Variants in LGR5 observed in about 807,000 individuals in gnomAD.
The protein encoded by LGR5 is leucine-rich repeat-containing G protein-coupled receptor 5.
In LGR5, 54 loss-of-function variants were observed where a neutral mutation model predicts 76.7. That is an observed-to-expected ratio of 0.70 (90% CI 0.57 to 0.88). The LOEUF (loss-of-function observed/expected upper bound fraction) is 0.88. Among genes scored for constraint, LGR5 ranks in the 40% least tolerant of loss-of-function variants. LGR5 has a pLI of 0.00. For missense variants in LGR5, 1,078 were observed against 1,073.3 expected (o/e 1.00, Z -0.06); for synonymous variants, 406 against 421.9 (o/e 0.96, Z 0.46).
chr12:71,535,121 G>A lies in LGR5; in HGVS notation c.363G>A (p.Leu121=). 1 of 1,608,436 alleles carries A rather than the reference G, an allele frequency of 6.2e-7. No individual in the cohort carries two copies. Among genetic ancestry groups the A allele is most frequent in the South Asian group, 1.1e-5 (1 of 90,882 alleles). ...TATTTCTTTTAACATACAGTATGCT[G>A]CAGAATAATCAGCTAAGACACGTAC... The part of the protein sequence containing the change: ...TGLYSLKVLM[L]QNNQLRHVPT... Residue 121 remains leucine, a synonymous_variant, in exon 4 of 18, where the codon CTG becomes CTA. Coordinates refer to ENST00000266674, the MANE Select transcript of LGR5 (RefSeq NM_003667.4).
chr12:71,472,535 A>G (rs967795249), intron 1 of LGR5, among the ~76,000 whole-genome samples: 1 of 152,226 alleles, frequency 6.6e-6, no homozygotes, highest in Non-Finnish European at 1.5e-5. Context: ...CCCAATAGAT[A>G]TAATAGGTTT....
At position 71,440,046 on chromosome 12, in the gene LGR5, C is replaced by T. The variant is rs769253623; in HGVS notation, c.-35C>T. On this transcript the variant is annotated 5_prime_UTR_variant, in exon 1 of 18. Coordinates refer to ENST00000266674, the MANE Select transcript of LGR5 (RefSeq NM_003667.4). The surrounding 1 kb of genome is among the most constrained non-coding windows in gnomAD (Gnocchi z 5.3). ...GTAGCAGTCCGGTGCTGCTCTCCGC[C>T]CGCGTCCGGCTCGTGGCCCCCTACT... 1.9e-6 allele frequency: 3 copies of T among 1,591,710 alleles called. No homozygotes were observed. The highest frequency in any genetic ancestry group is 1.7e-6 in the Non-Finnish European group (2 of 1,173,928).
At chr12:71,516,928 G>A (rs768783838) in intron 2 of LGR5, among the ~76,000 whole-genome samples, 7 of 149,620 alleles carry the variant, frequency 4.7e-5, no homozygotes, top group African/African-American at 9.8e-5. Flanking sequence ...TTTTTTAATC[G>A]AGTTACATCT....
intron 5 of LGR5, among the ~76,000 whole-genome samples, chr12:71,556,148 C>A (rs1331052172): frequency 2.0e-5 from 3 of 152,038 alleles, no homozygotes; most frequent in Non-Finnish European, 2.9e-5. Flanking sequence ...CAGAGGGGAA[C>A]AACACACGCT....
intron 14 of LGR5, 33 bp downstream of exon 14, chr12:71,578,029 T>C (rs748702937): frequency 6.8e-7 from 1 of 1,479,984 alleles, no homozygotes; most frequent in Non-Finnish European, 9.4e-7. Context: ...ATGGTATGTC[T>C]CTTAATAATT....
At position 71,547,029 on chromosome 12, in the gene LGR5, T is replaced by C. The variant is rs1877211693; in HGVS notation, c.429-6044T>C. 1.3e-5 allele frequency among the ~76,000 whole-genome samples: 2 copies of C among 152,120 alleles called. 1 individual carries two copies. The highest frequency in any genetic ancestry group is 1.3e-4 in the Admixed American group (2 of 15,274). ...TGAGCAGCAGCGCCTCTTGAGTAAT[T>C]GCGGAGTCTTCAACCTCAAGCCCTC... On this transcript the variant is annotated intron_variant, in intron 4 of 17. Transcript: ENST00000266674.
At chr12:71,545,117 CAAAATA>C (rs66620567) in intron 4 of LGR5, among the ~76,000 whole-genome samples, 129,634 of 150,400 alleles carry the variant, frequency 0.86, 56,319 homozygotes, top group East Asian at 0.97. Flanking sequence ...ACAAAAGTAA[CAAAATA>C]AAAATAAAAA....
At chr12:71,543,527 A>T (rs771272178) in intron 4 of LGR5, among the ~76,000 whole-genome samples, 74 of 152,300 alleles carry the variant, frequency 4.9e-4, no homozygotes, top group Non-Finnish European at 9.1e-4. Context: ...GGGACAGAGA[A>T]ATGAGGTAAA....
chr12:71,547,771 A>T (rs1349647455), intron 4 of LGR5, among the ~76,000 whole-genome samples: 1 of 151,904 alleles, frequency 6.6e-6, no homozygotes, highest in Non-Finnish European at 1.5e-5. Flanking sequence ...CACCCAGCTA[A>T]TTTTTTTGTA....
rs887495158 is a variant in LGR5 at position 71,585,774 on chromosome 12, C to T, written c.*1040C>T. The stretch of plus-strand genomic sequence containing the variant: ...TCAAGAGACTCAGTAACGTATTATC[C>T]TGTTTATTTAGCTTGGTTTTAGCTG... On this transcript the variant is annotated 3_prime_UTR_variant, in exon 18 of 18. Transcript: ENST00000266674. The T allele has an allele frequency of 6.6e-6, 1 of 152,150 alleles. No individual in the cohort carries two copies. Among genetic ancestry groups the T allele is most frequent in the Admixed American group, 6.6e-5 (1 of 15,264 alleles). 9.4% of individuals were successfully genotyped at this position (152,150 alleles called of 1,614,324 possible).
chr12:71,578,105 G>T (rs1053490702), intron 14 of LGR5, 109 bp downstream of exon 14: 159 of 787,216 alleles, frequency 2.0e-4, no homozygotes, highest in Admixed American at 4.6e-4. Context: ...CAGATTACCT[G>T]CCTCTGTGTT....
chr12:71,441,900 GA>G (rs1565845392), intron 1 of LGR5: 1 of 152,114 alleles, frequency 6.6e-6, no homozygotes, highest in Non-Finnish European at 1.5e-5. Flanking sequence ...CTACAAAGCA[GA>G]ATACTCATCC....
intron 2 of LGR5, 109 bp from the exon 3 acceptor site, chr12:71,524,297 T>G: frequency 5.6e-6 from 4 of 712,068 alleles, no homozygotes; most frequent in Non-Finnish European, 4.6e-6. Flanking sequence ...TTACAGTTGC[T>G]TTTGATATTT....
At chr12:71,467,355 A>G (rs1033339067) in intron 1 of LGR5, among the ~76,000 whole-genome samples, 4 of 152,170 alleles carry the variant, frequency 2.6e-5, no homozygotes, top group Non-Finnish European at 4.4e-5. Flanking sequence ...TCAAGATTTC[A>G]CTGATGAGAA....
At chr12:71,452,237 G>A (rs141297674) in intron 1 of LGR5, among the ~76,000 whole-genome samples, 1 of 152,242 alleles carries the variant, frequency 6.6e-6, no homozygotes, top group Admixed American at 6.5e-5. Flanking sequence ...CCTGTTTAAT[G>A]GCAGTCACCT....
chr12:71,497,301 T>C, intron 1 of LGR5, among the ~76,000 whole-genome samples: 4 of 144,598 alleles, frequency 2.8e-5, no homozygotes, highest in Non-Finnish European at 6.0e-5. Flanking sequence ...GGTGACAGAG[T>C]GAAACCTTAG....
At chr12:71,480,572 A>C (rs1024600526) in intron 1 of LGR5, among the ~76,000 whole-genome samples, 37 of 152,242 alleles carry the variant, frequency 2.4e-4, no homozygotes, top group African/African-American at 8.4e-4. Flanking sequence ...CTCTTGAAGA[A>C]AAATTTTACT....
At chr12:71,574,450 A>G (rs1157564871) in intron 13 of LGR5, among the ~76,000 whole-genome samples, 10 of 151,682 alleles carry the variant, frequency 6.6e-5, no homozygotes, top group Middle Eastern at 3.4e-3. Context: ...GCCAACTCCA[A>G]TTCATCCTCT....
chr12:71,582,789 G>A (rs1879147771), intron 17 of LGR5, among the ~76,000 whole-genome samples: 1 of 152,152 alleles, frequency 6.6e-6, no homozygotes, highest in South Asian at 2.1e-4. Context: ...TATGTTGTTA[G>A]AGGCATATGT....
Sources: gnomAD v4.1 joint callset for allele counts (sites outside exome capture counted in the v4.1 genomes callset) on GRCh38, gnomAD v4.1.1 for gene constraint, Gnocchi (gnomAD v3.1) non-coding constraint, MANE v1.5 for transcripts, NCBI Gene and HGNC (gene_info 2026-07-23, HGNC 2026-07-21) for gene names.